B4GALT6: variants seen among roughly 807,000 people sequenced by gnomAD.
B4GALT6 encodes UDP-Gal:beta-GlcNAc beta-1,4-galactosyltransferase 6.
Under a neutral mutation model 46.3 loss-of-function variants are expected in B4GALT6, and 14 were observed. That is an observed-to-expected ratio of 0.30 (90% CI 0.20 to 0.47). B4GALT6 has a LOEUF of 0.47. Ranked by LOEUF, B4GALT6 falls within the 20% of genes least tolerant of loss-of-function variation. The pLI, the probability that B4GALT6 is intolerant of heterozygous loss-of-function variation, is 0.99. For synonymous variants in B4GALT6, 168 were observed against 162.0 expected (o/e 1.04, Z -0.28); for missense variants, 386 against 480.1 (o/e 0.80, Z 1.83).
chr18:31,707,772 G>A, the B4GALT6 span, among the ~76,000 whole-genome samples: 1 of 152,074 alleles, frequency 6.6e-6, no homozygotes, highest in Non-Finnish European at 1.5e-5. Context: ...ACTATATTGA[G>A]CAGAAAGTGG....
the B4GALT6 span, among the ~76,000 whole-genome samples, chr18:31,715,021 CA>C: frequency 1.3e-5 from 2 of 152,104 alleles, no homozygotes; most frequent in African/African-American, 4.8e-5. Flanking sequence ...TAAGTATGTC[CA>C]GTATGCTATG....
intron 3 of B4GALT6, among the ~76,000 whole-genome samples, chr18:31,655,413 G>C (rs574317131): frequency 6.6e-6 from 1 of 152,178 alleles, no homozygotes; most frequent in Non-Finnish European, 1.5e-5. Context: ...TCTTATAAAA[G>C]AATGCAAGGA....
At chr18:31,625,809 A>C in intron 8 of B4GALT6, 48 bp from the exon 9 acceptor site, 1 of 1,487,150 alleles carries the variant, frequency 6.7e-7, no homozygotes. Flanking sequence ...CATGTTCAAA[A>C]AGGAAAACTG....
chr18:31,721,284 A>G, the B4GALT6 span, among the ~76,000 whole-genome samples: 2 of 152,166 alleles, frequency 1.3e-5, no homozygotes, highest in African/African-American at 2.4e-5. Flanking sequence ...ATGTATACCT[A>G]TGCATCAAAC....
At chr18:31,628,410 T>G (rs1331545675) in intron 6 of B4GALT6, among the ~76,000 whole-genome samples, 1 of 152,210 alleles carries the variant, frequency 6.6e-6, no homozygotes, top group Non-Finnish European at 1.5e-5. Context: ...TGAATAAATG[T>G]GTCTGTGTGC....
intron 2 of B4GALT6, among the ~76,000 whole-genome samples, chr18:31,661,881 G>C (rs1476204419): frequency 6.6e-6 from 1 of 152,138 alleles, no homozygotes; most frequent in Non-Finnish European, 1.5e-5. Flanking sequence ...TTAATGTCAT[G>C]CATTAACTTT....
At chr18:31,686,969 G>A (rs2029945309), upstream of B4GALT6, 1 of 152,242 alleles carries the variant, frequency 6.6e-6, no homozygotes, top group African/African-American at 2.4e-5. Flanking sequence ...TAAACTGAGA[G>A]AGAAGTAGTA....
chr18:31,699,465 G>C, the B4GALT6 span, among the ~76,000 whole-genome samples: 3 of 151,342 alleles, frequency 2.0e-5, no homozygotes, highest in Non-Finnish European at 2.9e-5. Context: ...GTAGAGACAG[G>C]GTTTCACCAT....
At position 31,626,360 on chromosome 18, in the gene B4GALT6, T is replaced by C; in HGVS notation, c.924A>G (p.Val308=). ...WNRVHYAGYN[V]TRPEGDLGKY... ...TTCCTAAGTCTCCCTCTGGTCTGGT[T>C]ACATTATATCCAGCATAGTGAACTC... The change falls in exon 8 of 9, where the codon GTA becomes GTG. Residue 308 remains valine (V), a synonymous_variant. Coordinates refer to ENST00000306851, the MANE Select transcript of B4GALT6 (RefSeq NM_004775.5). 1 of 1,603,690 alleles carries C rather than the reference T, an allele frequency of 6.2e-7. No individual in the cohort carries two copies. Among genetic ancestry groups the C allele is most frequent in the East Asian group, 2.2e-5 (1 of 44,728 alleles).
In B4GALT6 at chr18:31,623,510, G is replaced by T. The variant is rs1029974015; in HGVS notation, c.*2104C>A. The stretch of plus-strand genomic sequence containing the variant: ...ATATATATAAAAATGAAAAGATACC[G>T]AATGTGGACAGCTCCACATTGATCA... On this transcript the variant is annotated 3_prime_UTR_variant, in exon 9 of 9. Coordinates refer to ENST00000306851, the MANE Select transcript of B4GALT6 (RefSeq NM_004775.5). 6.6e-6 allele frequency: 1 copy of T among 152,162 alleles called. No homozygotes were observed. The highest frequency in any genetic ancestry group is 1.5e-5 in the Non-Finnish European group (1 of 67,826). 9.4% of individuals were successfully genotyped at this position (152,162 alleles called of 1,614,324 possible).
chr18:31,683,893 C>A (rs1031657188), intron 1 of B4GALT6, among the ~76,000 whole-genome samples: 4 of 152,154 alleles, frequency 2.6e-5, no homozygotes, highest in African/African-American at 9.7e-5. Flanking sequence ...ACATTCCCTG[C>A]TGCTGGCTCC....
At chr18:31,630,662 C>A (rs1412313825) in intron 6 of B4GALT6, among the ~76,000 whole-genome samples, 1 of 152,146 alleles carries the variant, frequency 6.6e-6, no homozygotes, top group African/African-American at 2.4e-5. Context: ...AGTGACTAAC[C>A]TATAAGTCCT....
chr18:31,695,458 C>G, the B4GALT6 span, among the ~76,000 whole-genome samples: 1 of 152,168 alleles, frequency 6.6e-6, no homozygotes, highest in East Asian at 1.9e-4. Context: ...GTGGAACCCC[C>G]GAGAGGCAAA....
chr18:31,663,986 C>A (rs1032676033), intron 2 of B4GALT6, among the ~76,000 whole-genome samples: 1 of 152,242 alleles, frequency 6.6e-6, no homozygotes, highest in African/African-American at 2.4e-5. Context: ...TTCCAGCATA[C>A]TCTGGTCAAG....
chr18:31,724,097 G>T, the B4GALT6 span: 1 of 297,486 alleles, frequency 3.4e-6, no homozygotes, highest in Non-Finnish European at 6.7e-6. Flanking sequence ...TGTGGGATAA[G>T]ATTGCCCTGG....
chr18:31,722,425 A>C, the B4GALT6 span, among the ~76,000 whole-genome samples: 1 of 152,234 alleles, frequency 6.6e-6, no homozygotes, highest in Non-Finnish European at 1.5e-5. Context: ...CATGAAAACA[A>C]ATCAATTGTG....
chr18:31,684,042 G>A (rs8089728), intron 1 of B4GALT6, among the ~76,000 whole-genome samples: 278 of 152,178 alleles, frequency 1.8e-3, no homozygotes, highest in Non-Finnish European at 3.1e-3. Context: ...AGGGCATCCC[G>A]GGCCATCACA....
chr18:31,653,989 G>C (rs1186387394), intron 3 of B4GALT6, among the ~76,000 whole-genome samples: 2 of 151,780 alleles, frequency 1.3e-5, no homozygotes, highest in Non-Finnish European at 2.9e-5. Context: ...CTTTGCTGAC[G>C]TTTGTTTGCT....
intron 4 of B4GALT6, among the ~76,000 whole-genome samples, chr18:31,643,926 C>T (rs1037197610): frequency 2.0e-5 from 3 of 152,160 alleles, no homozygotes; most frequent in African/African-American, 7.2e-5. Flanking sequence ...GAGTATGCTT[C>T]TTTTTCTATT....
Sources: gnomAD v4.1 joint callset for allele counts (sites outside exome capture counted in the v4.1 genomes callset) on GRCh38, gnomAD v4.1.1 for gene constraint, MANE v1.5 for transcripts, NCBI Gene and HGNC (gene_info 2026-07-23, HGNC 2026-07-21) for gene names.